CSDE1: variants seen among roughly 807,000 people sequenced by gnomAD.
CSDE1 encodes cold shock domain containing E1, also known as cold shock domain-containing protein E1.
In CSDE1, 17 loss-of-function variants were observed where a neutral mutation model predicts 89.3. The observed-to-expected ratio is 0.19, with a 90% CI of 0.13 to 0.29. The LOEUF (loss-of-function observed/expected upper bound fraction) is 0.29, where lower values mean the gene tolerates loss of function less well. CSDE1 is among the 10% of genes least tolerant of loss of function. CSDE1 has a pLI of 1.00. For missense variants in CSDE1, 672 were observed against 984.2 expected (o/e 0.68, Z 4.24); for synonymous variants, 322 against 332.8 (o/e 0.97, Z 0.35).
At chr1:114,721,405 T>C (rs923036320) in intron 16 of CSDE1, among the ~76,000 whole-genome samples, 2 of 152,154 alleles carry the variant, frequency 1.3e-5, no homozygotes, top group Non-Finnish European at 1.5e-5. Context: ...TGCCCTACAG[T>C]ATGAAGTTGC....
At chr1:114,757,098 C>T (rs1661640965) in intron 1 of CSDE1, among the ~76,000 whole-genome samples, 2 of 152,168 alleles carry the variant, frequency 1.3e-5, no homozygotes, top group Non-Finnish European at 2.9e-5. Context: ...TTTCAGGGCG[C>T]ACGCCCATTC....
At chr1:114,749,702 T>C (rs1242583420) in intron 2 of CSDE1, 119 bp downstream of exon 2, 4 of 152,420 alleles carry the variant, frequency 2.6e-5, no homozygotes, top group Non-Finnish European at 5.9e-5. Flanking sequence ...TAGTTGAGAA[T>C]AGAAAAACTG....
intron 1 of CSDE1, among the ~76,000 whole-genome samples, chr1:114,757,204 G>A (rs766852450): frequency 2.0e-5 from 3 of 152,196 alleles, no homozygotes; most frequent in East Asian, 1.9e-4. Context: ...GGAAGGTTGG[G>A]TGCTGAGACC....
chr1:114,725,431 C>T, intron 14 of CSDE1, 98 bp from the exon 15 acceptor site: 1 of 910,784 alleles, frequency 1.1e-6, no homozygotes. Context: ...GCATGGCATG[C>T]TTATTTACAT....
At chr1:114,734,261 C>A (rs1660269903) in intron 7 of CSDE1, 144 bp from the exon 8 acceptor site, 2 of 1,152,896 alleles carry the variant, frequency 1.7e-6, no homozygotes, top group Non-Finnish European at 2.4e-6. Flanking sequence ...ATTAAACAGC[C>A]AATTTTAAAG....
intron 9 of CSDE1, 63 bp downstream of exon 9, chr1:114,733,669 C>T: frequency 6.9e-7 from 1 of 1,445,500 alleles, no homozygotes; most frequent in African/African-American, 1.4e-5. Context: ...TCTCAGTATA[C>T]CACACCATAT....
At chr1:114,720,244 C>G (rs1659441186) in intron 17 of CSDE1, 1 of 277,720 alleles carries the variant, frequency 3.6e-6, no homozygotes, top group Non-Finnish European at 6.7e-6. Context: ...AAGCTCTAAG[C>G]AAAAGTGTAC....
At chr1:114,724,978 G>T (rs1275134865) in intron 15 of CSDE1, among the ~76,000 whole-genome samples, 1 of 152,146 alleles carries the variant, frequency 6.6e-6, no homozygotes, top group Non-Finnish European at 1.5e-5. Context: ...TCAAACTTCA[G>T]TGTATACCAG....
chr1:114,733,955 A>C, intron 8 of CSDE1, 34 bp downstream of exon 8: 1 of 1,606,240 alleles, frequency 6.2e-7, no homozygotes, highest in Non-Finnish European at 8.5e-7. Context: ...TCTGATCTTA[A>C]AAGGCCAAAG....
intron 12 of CSDE1, among the ~76,000 whole-genome samples, chr1:114,729,928 T>C (rs1660011681): frequency 6.6e-6 from 1 of 152,166 alleles, no homozygotes; most frequent in Non-Finnish European, 1.5e-5. Flanking sequence ...TGGAATGAGT[T>C]TGCCTCCCAG....
At chr1:114,745,893 T>G (rs1660985762) in intron 2 of CSDE1, among the ~76,000 whole-genome samples, 1 of 152,180 alleles carries the variant, frequency 6.6e-6, no homozygotes, top group African/African-American at 2.4e-5. Context: ...CTCAAGTACT[T>G]TTAACATCTC....
chr1:114,726,156 A>G, intron 14 of CSDE1, 55 bp downstream of exon 14: 1 of 1,503,666 alleles, frequency 6.7e-7, no homozygotes, highest in Non-Finnish European at 9.0e-7. Flanking sequence ...TTTTATTCCA[A>G]CACCAAAGAA....
chr1:114,746,945 C>T (rs1661042486), intron 2 of CSDE1: 1 of 152,232 alleles, frequency 6.6e-6, no homozygotes, highest in Admixed American at 6.5e-5. Context: ...ACCCTAGCAA[C>T]CGCCAAGTAA....
intron 15 of CSDE1, among the ~76,000 whole-genome samples, chr1:114,724,915 CA>C (rs1557991477): frequency 6.6e-6 from 1 of 152,050 alleles, no homozygotes; most frequent in Non-Finnish European, 1.5e-5. Flanking sequence ...CAAAAGAAGA[CA>C]ATGAATTGAA....
chr1:114,731,180 G>A (rs949175393), intron 10 of CSDE1, among the ~76,000 whole-genome samples: 3 of 151,202 alleles, frequency 2.0e-5, no homozygotes, highest in Non-Finnish European at 4.4e-5. Flanking sequence ...CTGGAACATG[G>A]TAGATACTCA....
intron 19 of CSDE1, 145 bp downstream of exon 19, chr1:114,718,468 C>T (rs1659324865): frequency 1.7e-6 from 2 of 1,155,822 alleles, no homozygotes; most frequent in Non-Finnish European, 2.4e-6. Context: ...GGGGCTGAAC[C>T]AATGTGTAGA....
At chr1:114,719,427 A>T in intron 18 of CSDE1, 152 bp downstream of exon 18, 1 of 844,224 alleles carries the variant, frequency 1.2e-6, no homozygotes, top group Non-Finnish European at 1.7e-6. Flanking sequence ...CATGTACTAA[A>T]CAATCTTTTT....
At chr1:114,751,113 T>G (rs144813318) in intron 1 of CSDE1, among the ~76,000 whole-genome samples, 1 of 152,340 alleles carries the variant, frequency 6.6e-6, no homozygotes, top group Non-Finnish European at 1.5e-5. Flanking sequence ...GAAAGTGGTA[T>G]TAAGTCTTGA....
At chr1:114,741,490 A>G (rs1389759590) in intron 2 of CSDE1, 7 of 1,528,826 alleles carry the variant, frequency 4.6e-6, no homozygotes, top group Non-Finnish European at 6.2e-6. Flanking sequence ...CTTAACACAA[A>G]GCAAGGTAAG....
Sources: allele counts gnomAD v4.1 joint callset (sites outside exome capture counted in the v4.1 genomes callset), GRCh38; gene constraint gnomAD v4.1.1; transcripts MANE v1.5; gene names NCBI Gene and HGNC (gene_info 2026-07-23, HGNC 2026-07-21).